STK26: variants seen among roughly 807,000 people sequenced by gnomAD.
STK26 encodes serine/threonine kinase 26, also known as serine/threonine-protein kinase 26.
A neutral mutation model predicts 34.7 loss-of-function variants in STK26; 14 were observed. That is an observed-to-expected ratio of 0.40 (90% CI 0.27 to 0.63). The LOEUF (loss-of-function observed/expected upper bound fraction) is 0.63. Ranked by LOEUF, STK26 falls within the 30% of genes least tolerant of loss-of-function variation. The probability of loss-of-function intolerance (pLI) is 0.38; values close to 1 mark genes in which losing one functional copy is unlikely to be tolerated. For synonymous variants in STK26, 100 were observed against 109.8 expected, an observed-to-expected ratio of 0.91 and a Z score of 0.56; for missense variants, 226 against 309.1, an observed-to-expected ratio of 0.73 and a Z score of 2.02.
At chrX:132,028,824 G>T (rs977190044) in intron 2 of STK26, among the ~76,000 whole-genome samples, 2 of 111,753 alleles carry the variant, frequency 1.8e-5, no homozygotes, top group Non-Finnish European at 3.8e-5. Context: ...ATTGGAGAAA[G>T]AATTCAGGTT....
At chrX:132,072,176 T>C (rs1927436625) in intron 8 of STK26, 92 bp from the exon 9 acceptor site, 1 of 669,561 alleles carries the variant, frequency 1.5e-6, no homozygotes, top group African/African-American at 2.2e-5. Flanking sequence ...TTGGGACAAT[T>C]ATCCCTTTAG....
At chrX:132,043,502 G>T (rs1045659713) in intron 2 of STK26, among the ~76,000 whole-genome samples, 2 of 111,181 alleles carry the variant, frequency 1.8e-5, no homozygotes, top group Non-Finnish European at 3.8e-5. Flanking sequence ...TTTATAGTTA[G>T]GGCTTGTTAT....
rs1446521854 is a variant in STK26, at chrX:132,071,052, G to C, written c.784-17G>C. The C allele has an allele frequency of 9.2e-6, 11 of 1,194,851 alleles. No individual in the cohort carries two copies. Among genetic ancestry groups the C allele is most frequent in the Non-Finnish European group, 1.2e-5 (11 of 887,859 alleles). ...TTCAACAATTGTCATATGCAGCCTT[G>C]ATCTTTTTATCCTTAGCGTCCTACA... On this transcript the variant is annotated splice_polypyrimidine_tract_variant and intron_variant, in intron 7 of 11. Transcript: ENST00000394334.
At chrX:132,043,178 T>A (rs1318832586) in intron 2 of STK26, among the ~76,000 whole-genome samples, 1 of 112,187 alleles carries the variant, frequency 8.9e-6, no homozygotes, top group Non-Finnish European at 1.9e-5. Context: ...ATCCAATGCA[T>A]TTTAATAAGT....
chrX:132,026,326 C>T (rs1430226640), intron 2 of STK26, among the ~76,000 whole-genome samples: 1 of 111,992 alleles, frequency 8.9e-6, no homozygotes, highest in Non-Finnish European at 1.9e-5. Context: ...GTTATTCAAA[C>T]TCATATTGTT....
chrX:132,072,412 G>A lies in STK26; in HGVS notation c.1026+51G>A, dbSNP rs758064256. 8 of 1,031,863 alleles carry A rather than the reference G, an allele frequency of 7.8e-6. No homozygotes were observed. In the South Asian group the frequency reaches 1.4e-4, roughly 18 times the overall value. The allele number at this position is 1,031,863 out of a possible 1,213,427, so 85.0% of individuals were successfully genotyped here. A position where few individuals can be genotyped will look rare whatever the true frequency, so the allele number is the denominator to read the frequency against. ...CTCTTCATACAGTTTTTCAAACCAT[G>A]TAGTGAGATGATAATGGCCTAAAAT... On this transcript the variant is annotated intron_variant, in intron 9 of 11. Coordinates refer to ENST00000394334, the MANE Select transcript of STK26 (RefSeq NM_016542.4).
At chrX:132,058,035 C>T (rs1926915264) in intron 3 of STK26, among the ~76,000 whole-genome samples, 1 of 111,987 alleles carries the variant, frequency 8.9e-6, no homozygotes, top group African/African-American at 3.2e-5. Flanking sequence ...GCATTTACAT[C>T]TAAGTGTTAG....
At chrX:132,071,959 G>A (rs1344383671) in intron 8 of STK26, among the ~76,000 whole-genome samples, 2 of 111,516 alleles carry the variant, frequency 1.8e-5, no homozygotes, top group Non-Finnish European at 3.8e-5. Context: ...AGTCACTCAT[G>A]GAACCTTAAA....
intron 3 of STK26, among the ~76,000 whole-genome samples, chrX:132,059,672 C>T (rs765072331): frequency 9.0e-6 from 1 of 111,478 alleles, no homozygotes; most frequent in African/African-American, 3.3e-5. Flanking sequence ...TAAAATGACA[C>T]TCAGGCATTG....
chrX:132,033,484 C>G (rs1166999711), intron 2 of STK26, among the ~76,000 whole-genome samples: 1 of 112,194 alleles, frequency 8.9e-6, no homozygotes. Context: ...TTAAGTGCTA[C>G]TGACCCCATA....
At chrX:132,025,657 T>C (rs967394184) in intron 2 of STK26, among the ~76,000 whole-genome samples, 3 of 108,744 alleles carry the variant, frequency 2.8e-5, no homozygotes, top group African/African-American at 1.0e-4. Flanking sequence ...CTTTTTTTTT[T>C]TTTTTTTTGG....
intron 7 of STK26, among the ~76,000 whole-genome samples, chrX:132,070,607 A>G (rs989270607): frequency 8.9e-6 from 1 of 112,831 alleles, no homozygotes; most frequent in Admixed American, 9.4e-5. Context: ...TTTAGATGCA[A>G]TAGACATTGA....
intron 6 of STK26, among the ~76,000 whole-genome samples, chrX:132,069,209 C>G (rs1204479796): frequency 9.3e-6 from 1 of 107,110 alleles, no homozygotes; most frequent in African/African-American, 3.4e-5. Flanking sequence ...GGCTTATACA[C>G]TACTGAAATC....
intron 2 of STK26, among the ~76,000 whole-genome samples, chrX:132,041,237 G>A (rs1926254096): frequency 9.0e-6 from 1 of 111,499 alleles, no homozygotes; most frequent in Non-Finnish European, 1.9e-5. Context: ...GCTTGCTGAG[G>A]TGGTCAGGAA....
chrX:132,065,400 A>G (rs934008118), intron 4 of STK26, among the ~76,000 whole-genome samples: 1 of 111,613 alleles, frequency 9.0e-6, no homozygotes, highest in Non-Finnish European at 1.9e-5. Flanking sequence ...GGTGCTCACC[A>G]TATCTCTTCC....
At chrX:132,062,342 C>G (rs774253840) in intron 3 of STK26, among the ~76,000 whole-genome samples, 1 of 112,050 alleles carries the variant, frequency 8.9e-6, no homozygotes, top group East Asian at 2.8e-4. Context: ...ATGGTTTATT[C>G]CAGTGTTTAA....
intron 8 of STK26, among the ~76,000 whole-genome samples, chrX:132,071,818 A>T (rs1927424619): frequency 8.9e-6 from 1 of 112,297 alleles, no homozygotes; most frequent in African/African-American, 3.2e-5. Flanking sequence ...CAAAGGCAAC[A>T]CCAAATTTCT....
chrX:132,051,758 CT>C (rs1010244082), intron 2 of STK26, among the ~76,000 whole-genome samples: 15 of 109,922 alleles, frequency 1.4e-4, no homozygotes, highest in Admixed American at 7.8e-4. Flanking sequence ...CCCCCACCCC[CT>C]GGCAGGCCCT....
chrX:132,034,289 A>ATTTTTT (rs1219878763), intron 2 of STK26, among the ~76,000 whole-genome samples: 2 of 34,966 alleles, frequency 5.7e-5, no homozygotes, highest in Admixed American at 5.2e-4. Context: ...TGAGACATTT[A>ATTTTTT]TTCTTTTTTT....
Sources: gnomAD v4.1 joint callset for allele counts (sites outside exome capture counted in the v4.1 genomes callset) on GRCh38, gnomAD v4.1.1 for gene constraint, MANE v1.5 for transcripts, NCBI Gene and HGNC (gene_info 2026-07-23, HGNC 2026-07-21) for gene names.